MAP1LC3C: variants seen among roughly 807,000 people sequenced by gnomAD.
MAP1LC3C encodes microtubule-associated protein 1 light chain 3 gamma.
A neutral mutation model predicts 10.4 loss-of-function variants in MAP1LC3C; 12 were observed. That is an observed-to-expected ratio of 1.15 (90% confidence interval 0.74 to 1.86). The LOEUF (loss-of-function observed/expected upper bound fraction) is 1.86. MAP1LC3C is among the 40% of genes most tolerant of loss of function. MAP1LC3C has a pLI of 0.00. For synonymous variants in MAP1LC3C, 70 were observed against 69.0 expected, an observed-to-expected ratio of 1.01 and a Z score of -0.07; for missense variants, 177 against 185.7, an observed-to-expected ratio of 0.95 and a Z score of 0.27.
intron 3 of MAP1LC3C, among the ~76,000 whole-genome samples, chr1:241,997,539 T>C (rs1665109025): frequency 6.6e-6 from 1 of 152,100 alleles, no homozygotes; most frequent in South Asian, 2.1e-4. Flanking sequence ...CACTCATTCA[T>C]CGTGTGTTCT....
At position 241,995,948 on chromosome 1, in the gene MAP1LC3C, T is replaced by G. The variant is rs546681272; in HGVS notation, c.*215A>C. On this transcript the variant is annotated 3_prime_UTR_variant, in exon 4 of 4. Transcript: ENST00000357246. Reference sequence around the variant, plus strand: ...AAAAAAAAATGATAATTATATAACTTTCAAGAGCAGCCCACATTTTTCTTA... The same window carrying G: ...AAAAAAAAATGATAATTATATAACTGTCAAGAGCAGCCCACATTTTTCTTA... 18 of 473,982 alleles carry G rather than the reference T, an allele frequency of 3.8e-5. No homozygotes were observed. Among genetic ancestry groups the G allele is most frequent in the African/African-American group, 2.7e-4 (14 of 52,512 alleles). The allele number at this position is 473,982 out of a possible 1,614,324, so 29.4% of individuals were successfully genotyped here.
Position 241,998,513 on chromosome 1 carries a change from C to T in MAP1LC3C, c.221+1G>A, listed in dbSNP as rs149312540. 1.2e-6 allele frequency: 2 copies of T among 1,613,930 alleles called. No individual in the cohort carries two copies. The highest frequency in any genetic ancestry group is 1.7e-6 in the Non-Finnish European group (2 of 1,179,842). ...TCCGGGGCACGCTCTGCGCCACCTA[C>T]CGGATGATGCTGAGGAACTGGGTCA... On this transcript the variant is annotated splice_donor_variant, in intron 3 of 3. Coordinates refer to ENST00000357246, the MANE Select transcript of MAP1LC3C (RefSeq NM_001004343.3). LOFTEE classifies it high-confidence loss of function.
intron 3 of MAP1LC3C, 32 bp from the exon 4 acceptor site, chr1:241,996,417 G>C (rs568041603): frequency 1.3e-6 from 2 of 1,580,894 alleles, no homozygotes; most frequent in African/African-American, 1.3e-5. Context: ...TGAGGGTATG[G>C]CCTGCGAGAC....
chr1:241,996,139 A>C lies in MAP1LC3C; in HGVS notation c.*24T>G. ...TGCCAGCATCTGACACGTCTGTCAG[A>C]GCACACATCCTTCCCGACATGGGCT... On this transcript the variant is annotated 3_prime_UTR_variant, in exon 4 of 4. Coordinates refer to ENST00000357246, the MANE Select transcript of MAP1LC3C (RefSeq NM_001004343.3). The C allele has an allele frequency of 1.0e-5, 16 of 1,597,940 alleles. No homozygotes were observed. Among genetic ancestry groups the C allele is most frequent in the Non-Finnish European group, 1.3e-5 (15 of 1,168,226 alleles).
At chr1:241,998,209 G>C (rs771809207) in intron 3 of MAP1LC3C, among the ~76,000 whole-genome samples, 42 of 151,724 alleles carry the variant, frequency 2.8e-4, no homozygotes, top group Non-Finnish European at 5.0e-4. Flanking sequence ...TTTTAGTAGA[G>C]ACAGGGTTTC....
At chr1:242,000,588 C>T (rs1377450007), upstream of MAP1LC3C, among the ~76,000 whole-genome samples, 4 of 152,122 alleles carry the variant, frequency 2.6e-5, 1 homozygote, top group South Asian at 6.2e-4. Context: ...CCACAGCCCC[C>T]GCCTTGGGTT....
chr1:241,996,031 G>T lies in MAP1LC3C; in HGVS notation c.*132C>A. ...AACTAGGAAGAGCCACCACTCTGCT[G>T]CCACTGGTTGGAGCTGATCACCCCA... On this transcript the variant is annotated 3_prime_UTR_variant, in exon 4 of 4. Coordinates refer to ENST00000357246, the MANE Select transcript of MAP1LC3C (RefSeq NM_001004343.3). 2.9e-6 allele frequency: 2 copies of T among 689,868 alleles called. No homozygotes were observed. Among genetic ancestry groups the T allele is most frequent in the Non-Finnish European group, 4.6e-6 (2 of 434,536 alleles). 42.7% of individuals were successfully genotyped at this position (689,868 alleles called of 1,614,324 possible).
At chr1:241,998,309 A>C (rs769926957) in intron 3 of MAP1LC3C, among the ~76,000 whole-genome samples, 21 of 151,964 alleles carry the variant, frequency 1.4e-4, no homozygotes, top group Non-Finnish European at 2.6e-4. Context: ...GGCATGAGCC[A>C]CTCCGCCCGG....
Position 241,996,324 on chromosome 1 carries a change from C to G in MAP1LC3C, c.283G>C (p.Val95Leu). 5 of 1,613,954 alleles carry G rather than the reference C, an allele frequency of 3.1e-6. No individual in the cohort carries two copies. Among genetic ancestry groups the G allele is most frequent in the Non-Finnish European group, 4.2e-6 (5 of 1,179,990 alleles). Residue 95 changes from valine to leucine, a missense_variant, in exon 4 of 4, where the codon GTC becomes CTC. Val to Leu is a conservative substitution (Grantham distance 32). Transcript: ENST00000357246. Reference sequence around the variant, plus strand: ...TCTGCCATGGTTGCGCTCATGCTGACCAGGCTCTTGTTGTTCACCAGCAAG... The same window carrying G: ...TCTGCCATGGTTGCGCTCATGCTGAGCAGGCTCTTGTTGTTCACCAGCAAG... ...FYLLVNNKSL[V>L]SMSATMAEIY...
In MAP1LC3C at chr1:241,998,496, A is replaced by G. The variant is rs776022030; in HGVS notation, c.221+18T>C. The stretch of plus-strand genomic sequence containing the variant: ...CACCCAGCGCACCTTCCTCCGGGGC[A>G]CGCTCTGCGCCACCTACCGGATGAT... On this transcript the variant is annotated intron_variant, in intron 3 of 3. Coordinates refer to ENST00000357246, the MANE Select transcript of MAP1LC3C (RefSeq NM_001004343.3). 6.8e-6 allele frequency: 11 copies of G among 1,609,812 alleles called. No homozygotes were observed. Among genetic ancestry groups the G allele is most frequent in the Non-Finnish European group, 9.4e-6 (11 of 1,176,270 alleles).
At chr1:242,000,812 C>T (rs929383701), upstream of MAP1LC3C, among the ~76,000 whole-genome samples, 3 of 152,154 alleles carry the variant, frequency 2.0e-5, no homozygotes, top group African/African-American at 7.2e-5. Flanking sequence ...ATTGATTAAA[C>T]CATTGGCCAC....
At chr1:241,999,159 C>T, upstream of MAP1LC3C, 2 of 1,392,804 alleles carry the variant, frequency 1.4e-6, no homozygotes, top group Non-Finnish European at 1.9e-6. Context: ...CCTCTCCTCT[C>T]CCTCCCCTCT....
rs200314093 is a variant in MAP1LC3C at position 241,995,918 on chromosome 1, C to CA, written c.*244dup. ...TAGGCAATAGAGCAAGACCCTGTTT[C>CA]AAAAAAAAAAAAATGATAATTATAT... is the stretch of plus-strand genomic sequence containing the variant. On this transcript the variant is annotated 3_prime_UTR_variant, in exon 4 of 4. Transcript: ENST00000357246. 62,094 of 307,596 alleles carry CA rather than the reference C, an allele frequency of 0.2. 2,828 individuals carry two copies. The highest frequency in any genetic ancestry group is 0.3 in the Middle Eastern group (310 of 1,046). The allele number at this position is 307,596 out of a possible 1,614,324, so 19.1% of individuals were successfully genotyped here.
chr1:241,999,175 C>T, upstream of MAP1LC3C: 1 of 1,333,886 alleles, frequency 7.5e-7, no homozygotes, highest in Non-Finnish European at 9.8e-7. Flanking sequence ...CCTCTCCCCA[C>T]TCCCCCTCCC....
At chr1:241,996,909 CAAAA>C (rs71174887) in intron 3 of MAP1LC3C, among the ~76,000 whole-genome samples, 1 of 42,762 alleles carries the variant, frequency 2.3e-5, no homozygotes, top group Non-Finnish European at 4.2e-5. Context: ...GACTGCGTCT[CAAAA>C]AAAAAAAAAA....
intron 3 of MAP1LC3C, among the ~76,000 whole-genome samples, chr1:241,997,116 C>T (rs1404295663): frequency 1.3e-5 from 2 of 151,644 alleles, no homozygotes; most frequent in Non-Finnish European, 2.9e-5. Context: ...CCAGGCTGCT[C>T]TTGAACTCCT....
chr1:242,000,199 C>G (rs956689739), upstream of MAP1LC3C, among the ~76,000 whole-genome samples: 1 of 152,138 alleles, frequency 6.6e-6, no homozygotes. Flanking sequence ...ACAAGACTGT[C>G]CCCCACTTTC....
upstream of MAP1LC3C, among the ~76,000 whole-genome samples, chr1:241,999,692 C>T (rs1256747379): frequency 1.3e-5 from 2 of 152,118 alleles, no homozygotes; most frequent in African/African-American, 2.4e-5. Flanking sequence ...ACCTGTAATC[C>T]CACCTACTCA....
chr1:241,996,130 G>C lies in MAP1LC3C; in HGVS notation c.*33C>G. ...AATCCCTTCTGCCAGCATCTGACAC[G>C]TCTGTCAGAGCACACATCCTTCCCG... On this transcript the variant is annotated 3_prime_UTR_variant, in exon 4 of 4. Coordinates refer to ENST00000357246, the MANE Select transcript of MAP1LC3C (RefSeq NM_001004343.3). 1 of 1,569,680 alleles carries C rather than the reference G, an allele frequency of 6.4e-7. No individual in the cohort carries two copies.
Sources: allele counts gnomAD v4.1 joint callset (sites outside exome capture counted in the v4.1 genomes callset), GRCh38; gene constraint gnomAD v4.1.1; transcripts MANE v1.5; gene names NCBI Gene and HGNC (gene_info 2026-07-23, HGNC 2026-07-21).